The following ARHGAP21 variants were observed in gnomAD, a reference collection of about 807,000 sequenced individuals.
ARHGAP21 encodes rho GTPase-activating protein 21.
ARHGAP21 carries 38 observed loss-of-function variants against 164.6 expected under a neutral mutation model. The ratio of observed to expected loss-of-function variants is 0.23; its 90% confidence interval spans 0.18 to 0.30. The LOEUF (loss-of-function observed/expected upper bound fraction) is 0.30. Ranked by LOEUF, ARHGAP21 falls within the 10% of genes least tolerant of loss-of-function variation. The pLI, the probability that ARHGAP21 is intolerant of heterozygous loss-of-function variation, is 1.00. For synonymous variants in ARHGAP21, 766 were observed against 857.9 expected (o/e 0.89, Z 1.87); for missense variants, 1,822 against 2,370.7 (o/e 0.77, Z 4.81).
At chr10:24,676,649 C>G (rs908561813) in intron 2 of ARHGAP21, among the ~76,000 whole-genome samples, 2 of 152,114 alleles carry the variant, frequency 1.3e-5, no homozygotes, top group African/African-American at 4.8e-5. Flanking sequence ...ACCCAGGTAA[C>G]AAAACTGCAC....
intron 4 of ARHGAP21, among the ~76,000 whole-genome samples, chr10:24,638,328 C>T (rs1836601634): frequency 6.6e-6 from 1 of 152,176 alleles, no homozygotes; most frequent in Non-Finnish European, 1.5e-5. Flanking sequence ...TACACCTTGA[C>T]TCTATGTCTT....
At chr10:24,673,068 T>C (rs1478769793) in intron 2 of ARHGAP21, among the ~76,000 whole-genome samples, 1 of 152,194 alleles carries the variant, frequency 6.6e-6, no homozygotes, top group African/African-American at 2.4e-5. Flanking sequence ...TAGAGAGATA[T>C]ACCATGTTCA....
intron 2 of ARHGAP21, among the ~76,000 whole-genome samples, chr10:24,696,443 G>A (rs1014026791): frequency 9.9e-5 from 15 of 152,184 alleles, no homozygotes; most frequent in Non-Finnish European, 8.8e-5. Flanking sequence ...GCCCGTTTTC[G>A]CCAATGAGTG....
chr10:24,681,911 G>A, intron 2 of ARHGAP21, among the ~76,000 whole-genome samples: 1 of 152,050 alleles, frequency 6.6e-6, no homozygotes, highest in Non-Finnish European at 1.5e-5. Context: ...GGAAGGACAT[G>A]CACTCTGACT....
chr10:24,687,775 T>C (rs900370791), intron 2 of ARHGAP21, among the ~76,000 whole-genome samples: 3 of 152,136 alleles, frequency 2.0e-5, no homozygotes, highest in Non-Finnish European at 2.9e-5. Flanking sequence ...AATGAAATAA[T>C]GCAATCCCCT....
Position 24,670,377 on chromosome 10 carries a change from T to C in ARHGAP21, c.84A>G (p.Gly28=), listed in dbSNP as rs776456786. ...KACEVSKNKD[G]KEQSETVSLS... The stretch of plus-strand genomic sequence containing the variant: ...GTGATACAGTTTCACTTTGTTCTTT[T>C]CCATCTTTATTTTTTGAGACCTAAA... The change falls in exon 3 of 26, where the codon GGA becomes GGG. Residue 28 remains glycine (G), a synonymous_variant. Transcript: ENST00000396432. The C allele has an allele frequency of 6.3e-7, 1 of 1,594,302 alleles. No individual in the cohort carries two copies. Among genetic ancestry groups the C allele is most frequent in the Non-Finnish European group, 8.5e-7 (1 of 1,169,660 alleles).
chr10:24,648,295 A>C (rs1837787270), intron 4 of ARHGAP21, among the ~76,000 whole-genome samples: 1 of 152,250 alleles, frequency 6.6e-6, no homozygotes, highest in African/African-American at 2.4e-5. Flanking sequence ...ATTGTCTCCA[A>C]AATATGAGTA....
intron 24 of ARHGAP21, chr10:24,590,277 T>C (rs767572482): frequency 3.9e-5 from 59 of 1,521,566 alleles, no homozygotes; most frequent in Non-Finnish European, 4.9e-5. Context: ...GAAAGTAGTA[T>C]TGATCTGTTT....
In ARHGAP21 at chr10:24,591,887, G is replaced by A. The variant is rs148522047; in HGVS notation, c.4002C>T (p.His1334=). 54 of 1,604,588 alleles carry A rather than the reference G, an allele frequency of 3.4e-5. No individual in the cohort carries two copies. Among genetic ancestry groups the A allele is most frequent in the African/African-American group, 1.7e-4 (13 of 74,418 alleles). Residue 1334 remains histidine, a splice_region_variant and synonymous_variant, in exon 22 of 26, where the codon CAC becomes CAT. Coordinates refer to ENST00000396432, the MANE Select transcript of ARHGAP21 (RefSeq NM_020824.4). ...TTACAGAGATGAAGCATGAACTTAC[G>A]TGCTGGATGAGCGTTTCTACAATCT... ...QYKIVETLIQ[H]HDWFFTEEGA...
chr10:24,631,019 T>G (rs2131328429), intron 6 of ARHGAP21, among the ~76,000 whole-genome samples: 2 of 152,304 alleles, frequency 1.3e-5, no homozygotes, highest in South Asian at 4.1e-4. Context: ...GATAGAGAAA[T>G]TTCCCTAAGT....
chr10:24,606,825 G>A (rs1005411562), intron 11 of ARHGAP21, among the ~76,000 whole-genome samples: 3 of 152,058 alleles, frequency 2.0e-5, no homozygotes, highest in Non-Finnish European at 4.4e-5. Context: ...TGGGCAACAA[G>A]AGCAAAATGT....
At chr10:24,697,522 T>G (rs1843278003) in intron 2 of ARHGAP21, among the ~76,000 whole-genome samples, 1 of 152,102 alleles carries the variant, frequency 6.6e-6, no homozygotes, top group African/African-American at 2.4e-5. Context: ...GGATGCTTTT[T>G]TCTTACATTT....
chr10:24,623,953 G>C (rs1279074960), intron 7 of ARHGAP21, among the ~76,000 whole-genome samples: 1 of 152,118 alleles, frequency 6.6e-6, no homozygotes, highest in Admixed American at 6.6e-5. Context: ...TTACTGTTTA[G>C]TAATAGAAGT....
chr10:24,713,278 T>C (rs1381097707), intron 2 of ARHGAP21, among the ~76,000 whole-genome samples: 1 of 152,204 alleles, frequency 6.6e-6, no homozygotes, highest in Non-Finnish European at 1.5e-5. Context: ...GCACTACTCC[T>C]GACTATGCCA....
At chr10:24,631,103 G>A (rs1039102937) in intron 6 of ARHGAP21, among the ~76,000 whole-genome samples, 10 of 152,220 alleles carry the variant, frequency 6.6e-5, no homozygotes, top group African/African-American at 1.9e-4. Context: ...CAAAGGTGCC[G>A]GGCGAAGTGG....
intron 9 of ARHGAP21, among the ~76,000 whole-genome samples, chr10:24,611,996 G>C (rs2077282662): frequency 6.6e-6 from 1 of 152,004 alleles, no homozygotes; most frequent in African/African-American, 2.4e-5. Flanking sequence ...TTAGGGCACA[G>C]AGCAAAAAAA....
rs570457905 is a variant in ARHGAP21, at chr10:24,695,050, C to CAAAAAAAAAAAAAA, written c.64-24667_64-24654dup. 3.1e-4 allele frequency among the ~76,000 whole-genome samples: 24 copies of CAAAAAAAAAAAAAA among 78,498 alleles called. 4 individuals are homozygous for CAAAAAAAAAAAAAA. The highest frequency in any genetic ancestry group is 5.0e-4 in the Admixed American group (3 of 6,008). The allele number at this position is 78,498 out of a possible 152,430, so 51.5% of individuals were successfully genotyped here. ...TGGGTAACAGAGCAAAATTCCATCT[C>CAAAAAAAAAAAAAA]AAAAAAAAAAAAAAAAAAAAAAAAA... On this transcript the variant is annotated intron_variant, in intron 2 of 25. Transcript: ENST00000396432.
At chr10:24,661,621 T>TG (rs1212566683) in intron 4 of ARHGAP21, among the ~76,000 whole-genome samples, 2 of 152,244 alleles carry the variant, frequency 1.3e-5, no homozygotes, top group African/African-American at 2.4e-5. Flanking sequence ...GCTTTGACTC[T>TG]GATCATTACA....
intron 4 of ARHGAP21, among the ~76,000 whole-genome samples, chr10:24,663,632 G>A (rs1198477180): frequency 2.6e-5 from 4 of 152,284 alleles, no homozygotes; most frequent in African/African-American, 7.2e-5. Context: ...AGGTTCAAGC[G>A]ATTCTCCTGC....
Sources: gnomAD v4.1 joint callset for allele counts (sites outside exome capture counted in the v4.1 genomes callset) on GRCh38, gnomAD v4.1.1 for gene constraint, MANE v1.5 for transcripts, NCBI Gene and HGNC (gene_info 2026-07-23, HGNC 2026-07-21) for gene names.